Variants in UNC13C observed in about 807,000 individuals in gnomAD.
The protein encoded by UNC13C is protein unc-13 homolog C.
In UNC13C, 174 loss-of-function variants were observed where a neutral mutation model predicts 245.4. The observed-to-expected ratio is 0.71, with a 90% CI of 0.63 to 0.80. The LOEUF is 0.80. UNC13C is among the 30% of genes least tolerant of loss of function. UNC13C has a pLI of 0.00. For synonymous variants in UNC13C, 992 were observed against 895.1 expected, an observed-to-expected ratio of 1.11 and a Z score of -1.93; for missense variants, 2,829 against 2,602.9, an observed-to-expected ratio of 1.09 and a Z score of -1.89.
chr15:54,525,620 C>A lies in UNC13C; in HGVS notation c.5529C>A (p.Ser1843Arg). 1 of 1,612,250 alleles carries A rather than the reference C, an allele frequency of 6.2e-7. No homozygotes were observed. The change falls in exon 25 of 33, where the codon AGC becomes AGA. Residue 1843 changes from serine to arginine, a missense_variant. Ser to Arg is a moderately radical substitution (Grantham distance 110). Transcript: ENST00000260323. ...VKLSGVLDEL[S>R]VTYGESFQVI... is the part of the protein sequence containing the mutation. ...TCAGTGGGGTCCTGGATGAGCTCAG[C>A]GTCACTTATGGTGAAAGGTAAGTGG...
At chr15:54,138,326 G>A (rs1042513254) in intron 2 of UNC13C, among the ~76,000 whole-genome samples, 7 of 152,018 alleles carry the variant, frequency 4.6e-5, no homozygotes, top group African/African-American at 1.4e-4. Flanking sequence ...TTAAATAACA[G>A]AATCTTGGAA....
At chr15:53,999,919 T>C (rs929665548) in intron 1 of UNC13C, among the ~76,000 whole-genome samples, 10 of 152,094 alleles carry the variant, frequency 6.6e-5, no homozygotes, top group African/African-American at 2.4e-4. Flanking sequence ...CTGTAAGATG[T>C]TAGTCTTTTG....
At chr15:54,036,972 A>G (rs1293277413) in intron 2 of UNC13C, among the ~76,000 whole-genome samples, 1 of 152,262 alleles carries the variant, frequency 6.6e-6, no homozygotes, top group Admixed American at 6.5e-5. Flanking sequence ...CTGTGCCTGC[A>G]TGAAGGGCAG....
intron 4 of UNC13C, among the ~76,000 whole-genome samples, chr15:54,149,057 G>C (rs2032405584): frequency 6.6e-6 from 1 of 152,120 alleles, no homozygotes; most frequent in Non-Finnish European, 1.5e-5. Context: ...CTGCTAGGGA[G>C]TTCTCATGAG....
At chr15:54,631,725 T>A (rs1218419859), downstream of UNC13C, 1 of 152,238 alleles carries the variant, frequency 6.6e-6, no homozygotes, top group Non-Finnish European at 1.5e-5. Flanking sequence ...TGTATGAACA[T>A]TAAAAAGATT....
At chr15:54,292,429 ATGCTC>A (rs2140934174) in intron 10 of UNC13C, among the ~76,000 whole-genome samples, 1 of 152,066 alleles carries the variant, frequency 6.6e-6, no homozygotes, top group South Asian at 2.1e-4. Context: ...AATTAGTAAA[ATGCTC>A]TGTGTTGAAA....
chr15:54,137,435 A>G (rs2031796043), intron 2 of UNC13C, among the ~76,000 whole-genome samples: 1 of 152,166 alleles, frequency 6.6e-6, no homozygotes, highest in South Asian at 2.1e-4. Flanking sequence ...CTTGGCACAC[A>G]ATGAAGCTAT....
intron 2 of UNC13C, among the ~76,000 whole-genome samples, chr15:54,087,917 T>C (rs1899334522): frequency 6.6e-6 from 1 of 152,198 alleles, no homozygotes; most frequent in Non-Finnish European, 1.5e-5. Context: ...AAAAGGCACT[T>C]TAAGGCAACT....
At chr15:54,418,173 C>T (rs1176828696) in intron 19 of UNC13C, among the ~76,000 whole-genome samples, 1 of 152,096 alleles carries the variant, frequency 6.6e-6, no homozygotes, top group African/African-American at 2.4e-5. Context: ...TAGCCTCAAT[C>T]CTTACCCAAA....
At chr15:54,027,240 C>T (rs1595733856) in intron 2 of UNC13C, among the ~76,000 whole-genome samples, 1 of 151,504 alleles carries the variant, frequency 6.6e-6, no homozygotes, top group Middle Eastern at 3.5e-3. Flanking sequence ...TCAGAGGCCA[C>T]CTTTTCTGTG....
At chr15:54,315,192 G>C (rs1429328811) in intron 13 of UNC13C, among the ~76,000 whole-genome samples, 2 of 151,746 alleles carry the variant, frequency 1.3e-5, no homozygotes, top group Non-Finnish European at 2.9e-5. Flanking sequence ...TCCTTGGCTA[G>C]ATATTGTACC....
intron 2 of UNC13C, among the ~76,000 whole-genome samples, chr15:54,024,208 A>G (rs2141008121): frequency 6.6e-6 from 1 of 152,308 alleles, no homozygotes; most frequent in East Asian, 1.9e-4. Context: ...GTCAGACCAC[A>G]GATGATGGCT....
chr15:54,294,757 A>G (rs771601487), intron 11 of UNC13C, among the ~76,000 whole-genome samples: 18 of 152,286 alleles, frequency 1.2e-4, no homozygotes, highest in Non-Finnish European at 2.5e-4. Context: ...CATATCCTAT[A>G]AAGTGTTTTA....
intron 10 of UNC13C, among the ~76,000 whole-genome samples, chr15:54,292,173 C>T (rs2037314921): frequency 6.6e-6 from 1 of 151,978 alleles, no homozygotes; most frequent in African/African-American, 2.4e-5. Flanking sequence ...GATTGACATG[C>T]TAGTTCCTTT....
chr15:53,988,137 CAAGTCTTATGCTATTGTTCTCT>C (rs1397846904), intron 1 of UNC13C, among the ~76,000 whole-genome samples: 1 of 151,944 alleles, frequency 6.6e-6, no homozygotes, highest in African/African-American at 2.4e-5. Context: ...TCCTTGAGGG[CAAGTCTTATGCTATTGTTCTCT>C]TCACTGCAAA....
intron 16 of UNC13C, among the ~76,000 whole-genome samples, chr15:54,337,247 G>T (rs2038605188): frequency 6.6e-6 from 1 of 152,002 alleles, no homozygotes; most frequent in South Asian, 2.1e-4. Flanking sequence ...TTTATTTCTT[G>T]GACCTCTTCT....
intron 19 of UNC13C, among the ~76,000 whole-genome samples, chr15:54,451,800 G>GT (rs934229907): frequency 2.0e-5 from 3 of 151,808 alleles, no homozygotes; most frequent in African/African-American, 4.8e-5. Flanking sequence ...GAATTATTGT[G>GT]TTTTTTTGGA....
At chr15:54,153,723 A>C (rs1358581732) in intron 4 of UNC13C, among the ~76,000 whole-genome samples, 1 of 152,082 alleles carries the variant, frequency 6.6e-6, no homozygotes, top group African/African-American at 2.4e-5. Flanking sequence ...ATAAATGTAG[A>C]TATATTTCTA....
intron 17 of UNC13C, among the ~76,000 whole-genome samples, chr15:54,368,252 G>T (rs568235162): frequency 2.7e-4 from 41 of 152,070 alleles, no homozygotes; most frequent in Admixed American, 2.5e-3. Flanking sequence ...GTTATCTAAA[G>T]AATGAATTGT....
Sources: gnomAD v4.1 joint callset for allele counts (sites outside exome capture counted in the v4.1 genomes callset) on GRCh38, gnomAD v4.1.1 for gene constraint, MANE v1.5 for transcripts, NCBI Gene and HGNC (gene_info 2026-07-23, HGNC 2026-07-21) for gene names.